CFAP65: variants seen among roughly 807,000 people sequenced by gnomAD.
The protein encoded by CFAP65 is cilia and flagella associated protein 65, also known as cilia- and flagella-associated protein 65.
Under a neutral mutation model 208.0 loss-of-function variants are expected in CFAP65, and 155 were observed. The ratio of observed to expected loss-of-function variants is 0.75; its 90% confidence interval spans 0.65 to 0.85. CFAP65 has a LOEUF of 0.85. CFAP65 is among the 40% of genes least tolerant of loss of function. CFAP65 has a pLI of 0.00. For missense variants in CFAP65, 2,294 were observed against 2,451.3 expected, an observed-to-expected ratio of 0.94 and a Z score of 1.36; for synonymous variants, 970 against 986.3, an observed-to-expected ratio of 0.98 and a Z score of 0.31.
chr2:219,032,954 A>G lies in CFAP65; in HGVS notation c.543-382T>C, dbSNP rs1427054588. On this transcript the variant is annotated intron_variant, in intron 5 of 34. Transcript: ENST00000341552. This position sits in a 1 kb window ranked among gnomAD's most constrained non-coding sequence, Gnocchi z 5.5. ...GGGATGCCTTTCCAGAGACCTCAGCAGAGCTGTAGCATCCCACAGTGGGTC... is the reference window on the plus strand; with the variant it reads ...GGGATGCCTTTCCAGAGACCTCAGCGGAGCTGTAGCATCCCACAGTGGGTC... Among the ~76,000 whole-genome samples the G allele has an allele frequency of 6.6e-6, 1 of 152,224 alleles. No individual in the cohort carries two copies. The highest frequency in any genetic ancestry group is 1.9e-4 in the East Asian group (1 of 5,194).
At position 219,031,656 on chromosome 2, in the gene CFAP65, C is replaced by T; in HGVS notation, c.648G>A (p.Lys216=). 6.2e-7 allele frequency: 1 copy of T among 1,604,434 alleles called. No homozygotes were observed. The highest frequency in any genetic ancestry group is 8.5e-7 in the Non-Finnish European group (1 of 1,174,508). The part of the protein sequence containing the change: ...LPIVFRPLEA[K]EYMDQLWFEK... ...CAAACCACAGCTGGTCCATGTACTC[C>T]TTCTGCAGTGTGAGGCGGGGCAGGG... The change falls in exon 7 of 35, where the codon AAG becomes AAA. Residue 216 remains lysine, a splice_region_variant and synonymous_variant. Coordinates refer to ENST00000341552, the MANE Select transcript of CFAP65 (RefSeq NM_194302.4). This position sits in a 1 kb window ranked among gnomAD's most constrained non-coding sequence, Gnocchi z 5.2.
chr2:219,020,446 A>C (rs536142479), intron 19 of CFAP65, among the ~76,000 whole-genome samples: 63 of 152,266 alleles, frequency 4.1e-4, no homozygotes, highest in African/African-American at 1.3e-3. Context: ...ACACAATCAC[A>C]GCTTATTCAC....
chr2:219,010,509 A>G, intron 26 of CFAP65, 37 bp downstream of exon 26: 1 of 1,587,114 alleles, frequency 6.3e-7, no homozygotes, highest in South Asian at 1.2e-5. Flanking sequence ...AGGCTCTCCC[A>G]CAAGGCCTCA....
intron 23 of CFAP65, 66 bp downstream of exon 23, chr2:219,013,453 C>A: frequency 1.3e-6 from 2 of 1,552,380 alleles, no homozygotes; most frequent in South Asian, 1.2e-5. Flanking sequence ...CAGCTCCCTG[C>A]TCCTGTCCAG....
At chr2:219,020,938 A>T (rs1947225727) in intron 19 of CFAP65, among the ~76,000 whole-genome samples, 1 of 151,964 alleles carries the variant, frequency 6.6e-6, no homozygotes, top group Non-Finnish European at 1.5e-5. Context: ...ACAGCTCCTA[A>T]CTCTTTGCAC....
chr2:219,017,657 G>A (rs942872323), intron 21 of CFAP65, among the ~76,000 whole-genome samples: 8 of 152,222 alleles, frequency 5.3e-5, no homozygotes, highest in Non-Finnish European at 7.3e-5. Context: ...GGTTTCCCCC[G>A]CCTCTGTTTC....
In CFAP65 at chr2:219,026,028, G is replaced by A. The variant is rs1452226980; in HGVS notation, c.2343C>T (p.Val781=). 4 of 1,613,686 alleles carry A rather than the reference G, an allele frequency of 2.5e-6. No homozygotes were observed. The highest frequency in any genetic ancestry group is 3.4e-6 in the Non-Finnish European group (4 of 1,179,776). The stretch of plus-strand genomic sequence containing the variant: ...CTGTTGGGGCCACGCTTACCTTGGG[G>A]ACATCTAGGGAATACTGGGGGATGT... The part of the protein sequence containing the change: ...EHHIPQYSLD[V]PKLFPAVSSG... Residue 781 remains valine, a synonymous_variant, in exon 14 of 35, where the codon GTC becomes GTT. Coordinates refer to ENST00000341552, the MANE Select transcript of CFAP65 (RefSeq NM_194302.4).
At chr2:219,029,798 C>G (rs1947892951) in intron 10 of CFAP65, 130 bp from the exon 11 acceptor site, 2 of 1,231,678 alleles carry the variant, frequency 1.6e-6, no homozygotes, top group Non-Finnish European at 2.3e-6. Context: ...ACTCCAGCAT[C>G]ACTGGATGCC....
chr2:219,010,849 G>A lies in CFAP65; in HGVS notation c.4105C>T (p.Arg1369Trp), dbSNP rs137887964. 27 of 1,612,936 alleles carry A rather than the reference G, an allele frequency of 1.7e-5. No individual in the cohort carries two copies. Among genetic ancestry groups the A allele is most frequent in the East Asian group, 6.7e-5 (3 of 44,862 alleles). Reference sequence around the variant, plus strand: ...ATAGGTGAGAAGATCCACAAGACCCGGGCAGTGCTGCCTGGCTGGATCTCC... The same window carrying A: ...ATAGGTGAGAAGATCCACAAGACCCAGGCAGTGCTGCCTGGCTGGATCTCC... ...KGEIQPGSTA[R>W]VLWIFSPIEA... Residue 1369 changes from arginine (R) to tryptophan (W), a missense_variant, in exon 25 of 35, where the codon CGG (arginine) becomes TGG (tryptophan). Around this residue, in one of 2 missense-constraint regions of CFAP65, gnomAD observed 1,427 missense variants for 1,438.7 expected, o/e 0.99. Transcript: ENST00000341552.
In CFAP65 at chr2:219,004,059, G is replaced by C. The variant is rs1358722245; in HGVS notation, c.5448C>G (p.Pro1816=). The change falls in exon 33 of 35, where the codon CCC becomes CCG. Residue 1816 remains proline (P), a synonymous_variant. Transcript: ENST00000341552. The surrounding 1 kb of genome is among the most constrained non-coding windows in gnomAD (Gnocchi z 4.7). ...EEKVSWAGIG[P]TPQPESQESM... ...ACTCCTGGGACTCAGGCTGTGGTGT[G>C]GGCCCGATGCCCGCCCAGCTCACTT... The C allele has an allele frequency of 6.2e-7, 1 of 1,614,008 alleles. No homozygotes were observed. Among genetic ancestry groups the C allele is most frequent in the Non-Finnish European group, 8.5e-7 (1 of 1,180,002 alleles).
chr2:219,038,308 C>T, intron 4 of CFAP65, 67 bp downstream of exon 4: 1 of 1,475,178 alleles, frequency 6.8e-7, no homozygotes, highest in Non-Finnish European at 9.3e-7. Context: ...CACCCCACTG[C>T]CCTGCCACCC....
intron 16 of CFAP65, among the ~76,000 whole-genome samples, chr2:219,022,890 T>C (rs1231594012): frequency 6.6e-6 from 1 of 152,162 alleles, no homozygotes; most frequent in Non-Finnish European, 1.5e-5. Flanking sequence ...ACCCTCCCAA[T>C]GACCTCCCAG....
At chr2:219,030,301 A>G (rs1406432620) in intron 9 of CFAP65, 93 bp from the exon 10 acceptor site, 17 of 1,339,822 alleles carry the variant, frequency 1.3e-5, no homozygotes, top group Non-Finnish European at 1.8e-5. Context: ...GTGCCTAGCC[A>G]AGGGGGTGGG....
Position 219,003,115 on chromosome 2 carries a change from G to A in CFAP65, c.5693+20C>T. On this transcript the variant is annotated intron_variant, in intron 34 of 34. Coordinates refer to ENST00000341552, the MANE Select transcript of CFAP65 (RefSeq NM_194302.4). This position sits in a 1 kb window ranked among gnomAD's most constrained non-coding sequence, Gnocchi z 4.4. ...CCCCTCTCGCGCGGTCTGCGCGGCCGCTGGTCCCGGCGCCCTTACCTGGGC... is the reference window on the plus strand; with the variant it reads ...CCCCTCTCGCGCGGTCTGCGCGGCCACTGGTCCCGGCGCCCTTACCTGGGC... The A allele has an allele frequency of 6.5e-7, 1 of 1,542,098 alleles. No homozygotes were observed. Among genetic ancestry groups the A allele is most frequent in the Non-Finnish European group, 8.8e-7 (1 of 1,141,098 alleles).
rs146131399 is a variant in CFAP65, at chr2:219,004,380, T to C, written c.5127A>G (p.Gln1709=). ...ACTTAGTTGACTGCTCATTCCAGAA[T>C]TGGCGGAAGTACGGCACCTGCTCCA... ...SLVEQVPYFR[Q]FWNEQSTKFM... The change falls in exon 33 of 35, where the codon CAA becomes CAG. Residue 1709 remains glutamine (Q), a synonymous_variant. Coordinates refer to ENST00000341552, the MANE Select transcript of CFAP65 (RefSeq NM_194302.4). The surrounding 1 kb of genome is among the most constrained non-coding windows in gnomAD (Gnocchi z 4.7). The C allele has an allele frequency of 2.0e-5, 32 of 1,613,952 alleles. No homozygotes were observed. The highest frequency in any genetic ancestry group is 1.1e-4 in the East Asian group (5 of 44,890).
intron 31 of CFAP65, 55 bp downstream of exon 31, chr2:219,005,966 T>A (rs1186101652): frequency 6.4e-7 from 1 of 1,550,600 alleles, no homozygotes; most frequent in Non-Finnish European, 8.8e-7. Flanking sequence ...TGCTCTGGAG[T>A]GGAAGAGGGG....
rs372658951 is a variant in CFAP65, at chr2:219,004,054, G to C, written c.5453C>G (p.Pro1818Arg). Reference protein sequence around the residue: ...KVSWAGIGPTPQPESQESMQW... With the variant: ...KVSWAGIGPTRQPESQESMQW... ...CATGGACTCCTGGGACTCAGGCTGT[G>C]GTGTGGGCCCGATGCCCGCCCAGCT... is the stretch of plus-strand genomic sequence containing the variant. Residue 1818 changes from proline to arginine, a missense_variant, in exon 33 of 35, where the codon CCA becomes CGA. Around this residue, in one of 2 missense-constraint regions of CFAP65, gnomAD observed 1,427 missense variants for 1,438.7 expected, o/e 0.99. Transcript: ENST00000341552. This position sits in a 1 kb window ranked among gnomAD's most constrained non-coding sequence, Gnocchi z 4.7. The C allele has an allele frequency of 1.2e-6, 2 of 1,613,922 alleles. No homozygotes were observed. The highest frequency in any genetic ancestry group is 2.7e-5 in the African/African-American group (2 of 74,904).
chr2:219,021,125 ACTCT>A (rs1947238036), intron 19 of CFAP65, 23 bp downstream of exon 19: 1 of 1,477,102 alleles, frequency 6.8e-7, no homozygotes. Context: ...CCCGGCCCCG[ACTCT>A]CTATGCCAGG....
At chr2:219,037,515 G>A (rs939830800) in intron 4 of CFAP65, among the ~76,000 whole-genome samples, 11 of 152,224 alleles carry the variant, frequency 7.2e-5, no homozygotes, top group Non-Finnish European at 1.5e-4. Context: ...AGAAGTGGTG[G>A]GGTCAATACA....
Sources: allele counts gnomAD v4.1 joint callset (sites outside exome capture counted in the v4.1 genomes callset), GRCh38; gene constraint gnomAD v4.1.1; regional missense constraint gnomAD v4.1.1; non-coding constraint Gnocchi (gnomAD v3.1); transcripts MANE v1.5; gene names NCBI Gene and HGNC (gene_info 2026-07-23, HGNC 2026-07-21).